Variants in ZMAT4 observed in about 807,000 individuals in gnomAD.
ZMAT4 encodes zinc finger matrin-type 4, also known as zinc finger matrin-type protein 4.
ZMAT4 carries 17 observed loss-of-function variants against 28.7 expected under a neutral mutation model. That is an observed-to-expected ratio of 0.59 (90% CI 0.41 to 0.89). ZMAT4 has a LOEUF of 0.89. Ranked by LOEUF, ZMAT4 falls within the 40% of genes least tolerant of loss-of-function variation. The pLI, the probability that ZMAT4 is intolerant of heterozygous loss-of-function variation, is 0.00. For missense variants in ZMAT4, 240 were observed against 283.8 expected, an observed-to-expected ratio of 0.85 and a Z score of 1.11; for synonymous variants, 117 against 109.2, an observed-to-expected ratio of 1.07 and a Z score of -0.44.
chr8:40,685,164 T>C (rs1241201869), intron 4 of ZMAT4, among the ~76,000 whole-genome samples: 1 of 152,186 alleles, frequency 6.6e-6, no homozygotes, highest in Non-Finnish European at 1.5e-5. Flanking sequence ...CAAAAGCAAC[T>C]CTAGAATTCT....
chr8:40,690,769 G>A (rs968959741), intron 4 of ZMAT4: 3 of 365,154 alleles, frequency 8.2e-6, no homozygotes, highest in African/African-American at 6.6e-5. Context: ...TGTCTGGCAT[G>A]GAAATTTATG....
At chr8:40,653,756 C>A (rs1364670445) in intron 5 of ZMAT4, among the ~76,000 whole-genome samples, 1 of 152,160 alleles carries the variant, frequency 6.6e-6, no homozygotes, top group Non-Finnish European at 1.5e-5. Context: ...CAAGTAGAGA[C>A]ACTGACTTAT....
chr8:40,862,479 G>A (rs540441765), intron 1 of ZMAT4, among the ~76,000 whole-genome samples: 24 of 145,952 alleles, frequency 1.6e-4, no homozygotes, highest in South Asian at 4.5e-4. Flanking sequence ...TAGACGACAC[G>A]TTAGTGGGTG....
At chr8:40,607,468 G>A (rs1392952448) in intron 5 of ZMAT4, among the ~76,000 whole-genome samples, 2 of 151,694 alleles carry the variant, frequency 1.3e-5, no homozygotes, top group Admixed American at 1.3e-4. Context: ...TCTTTGAGTT[G>A]GTATTCACCT....
intron 3 of ZMAT4, 50 bp from the exon 4 acceptor site, chr8:40,697,451 T>A: frequency 6.9e-7 from 1 of 1,438,880 alleles, no homozygotes; most frequent in Non-Finnish European, 9.2e-7. Context: ...CATTCCATTC[T>A]TTTACAAATG....
intron 5 of ZMAT4, among the ~76,000 whole-genome samples, chr8:40,661,274 A>AT (rs1456873500): frequency 2.6e-5 from 4 of 152,004 alleles, no homozygotes; most frequent in Admixed American, 2.0e-4. Context: ...TAATTTTTGT[A>AT]TTTTTTGTAG....
intron 1 of ZMAT4, among the ~76,000 whole-genome samples, chr8:40,858,662 AG>A (rs1219667165): frequency 1.3e-5 from 2 of 152,144 alleles, no homozygotes; most frequent in Non-Finnish European, 2.9e-5. Context: ...GGGTGAAAAA[AG>A]GTTCCCATAC....
intron 5 of ZMAT4, among the ~76,000 whole-genome samples, chr8:40,598,066 T>TG (rs1376490828): frequency 6.6e-6 from 1 of 152,012 alleles, no homozygotes; most frequent in Non-Finnish European, 1.5e-5. Context: ...TGAATTTTTT[T>TG]TATAGGATTA....
rs1242970319 is a variant in ZMAT4, at chr8:40,863,021, T to A, written c.-5+34662A>T. Among the ~76,000 whole-genome samples the A allele has an allele frequency of 2.0e-5, 3 of 151,412 alleles. No individual in the cohort carries two copies. In the East Asian group the frequency reaches 5.8e-4, roughly 29 times the overall value. ...AAGAACAGCCTGTGCAAAGGACTAA[T>A]GGTTGGAAGCAGGTGATGCAGCCAG... On this transcript the variant is annotated intron_variant, in intron 1 of 6. Transcript: ENST00000297737.
intron 3 of ZMAT4, among the ~76,000 whole-genome samples, chr8:40,731,893 A>G (rs1467078185): frequency 1.3e-5 from 2 of 152,248 alleles, no homozygotes; most frequent in Non-Finnish European, 2.9e-5. Context: ...TCTAGCCTTT[A>G]AAAAGAAGGA....
At chr8:40,758,758 A>T (rs1317270258) in intron 3 of ZMAT4, among the ~76,000 whole-genome samples, 1 of 152,252 alleles carries the variant, frequency 6.6e-6, no homozygotes, top group African/African-American at 2.4e-5. Context: ...GGATGGTGAC[A>T]GTGCTCCCTA....
chr8:40,724,390 T>C (rs1811236062), intron 3 of ZMAT4, among the ~76,000 whole-genome samples: 1 of 152,224 alleles, frequency 6.6e-6, no homozygotes, highest in Non-Finnish European at 1.5e-5. Context: ...TTCGGTTCAG[T>C]AGTGTGTTCT....
intron 2 of ZMAT4, among the ~76,000 whole-genome samples, chr8:40,819,664 T>G (rs1226228582): frequency 4.6e-5 from 7 of 152,008 alleles, no homozygotes; most frequent in Non-Finnish European, 8.8e-5. Flanking sequence ...TCATGAGACA[T>G]GTGGCACAGC....
intron 6 of ZMAT4, among the ~76,000 whole-genome samples, chr8:40,544,067 G>A (rs138481421): frequency 6.6e-6 from 1 of 152,276 alleles, no homozygotes; most frequent in African/African-American, 2.4e-5. Context: ...ACAGGGAGGT[G>A]CACATGTGTG....
intron 3 of ZMAT4, among the ~76,000 whole-genome samples, chr8:40,705,849 T>C (rs1200384514): frequency 1.3e-5 from 2 of 152,280 alleles, no homozygotes; most frequent in Middle Eastern, 3.4e-3. Flanking sequence ...TCAGGAAGTA[T>C]TCAACATAAA....
chr8:40,778,006 C>T (rs1310500214), intron 2 of ZMAT4, among the ~76,000 whole-genome samples: 1 of 152,222 alleles, frequency 6.6e-6, no homozygotes, highest in African/African-American at 2.4e-5. Flanking sequence ...TTTAAATATT[C>T]TGCACAGGGC....
intron 2 of ZMAT4, among the ~76,000 whole-genome samples, chr8:40,791,580 G>T (rs1280851836): frequency 6.6e-6 from 1 of 152,200 alleles, no homozygotes; most frequent in Admixed American, 6.5e-5. Flanking sequence ...TTCTGCTCAT[G>T]TAGTTCCCCA....
intron 3 of ZMAT4, among the ~76,000 whole-genome samples, chr8:40,761,420 CA>C (rs1202507967): frequency 6.6e-6 from 1 of 152,104 alleles, no homozygotes; most frequent in African/African-American, 2.4e-5. Context: ...GCACAGCAGG[CA>C]GCTCCACCAA....
intron 5 of ZMAT4, among the ~76,000 whole-genome samples, chr8:40,623,333 C>G (rs1195101059): frequency 6.6e-6 from 1 of 152,158 alleles, no homozygotes; most frequent in Non-Finnish European, 1.5e-5. Context: ...TCTAGGCAAA[C>G]ACTGTAAGCA....
Sources: gnomAD v4.1 joint callset for allele counts (sites outside exome capture counted in the v4.1 genomes callset) on GRCh38, gnomAD v4.1.1 for gene constraint, MANE v1.5 for transcripts, NCBI Gene and HGNC (gene_info 2026-07-23, HGNC 2026-07-21) for gene names.